The following ROBO2 variants were observed in gnomAD, a reference collection of about 807,000 sequenced individuals.
ROBO2 encodes roundabout homolog 2.
A neutral mutation model predicts 160.8 loss-of-function variants in ROBO2; 53 were observed. The ratio of observed to expected loss-of-function variants is 0.33; its 90% CI spans 0.26 to 0.41. The LOEUF (loss-of-function observed/expected upper bound fraction) is 0.41, where lower values mean the gene tolerates loss of function less well. ROBO2 is among the 10% of genes least tolerant of loss of function. ROBO2 has a pLI of 1.00. For missense variants in ROBO2, 1,577 were observed against 1,722.4 expected, an observed-to-expected ratio of 0.92 and a Z score of 1.49; for synonymous variants, 664 against 611.7, an observed-to-expected ratio of 1.09 and a Z score of -1.26.
intron 2 of ROBO2, among the ~76,000 whole-genome samples, chr3:76,030,372 T>C (rs1009876829): frequency 2.6e-5 from 4 of 152,208 alleles, no homozygotes; most frequent in Non-Finnish European, 5.9e-5. Context: ...TTAGTTTAAT[T>C]AGATCCCATT....
chr3:76,473,328 T>C (rs1026368411), intron 2 of ROBO2, among the ~76,000 whole-genome samples: 9 of 152,158 alleles, frequency 5.9e-5, no homozygotes, highest in African/African-American at 2.2e-4. Flanking sequence ...CTTGAGCCAA[T>C]AGAACAATGT....
intron 4 of ROBO2, among the ~76,000 whole-genome samples, chr3:77,490,108 T>TC (rs1322455881): frequency 6.7e-6 from 1 of 149,450 alleles, no homozygotes; most frequent in African/African-American, 2.4e-5. Context: ...ACTTTTTTTT[T>TC]TTTTTTTTTT....
chr3:76,143,692 A>C lies in ROBO2; in HGVS notation c.109+206090A>C, dbSNP rs1312881143. Among the ~76,000 whole-genome samples the C allele has an allele frequency of 3.9e-5, 6 of 152,102 alleles. 1 individual carries two copies. In the South Asian group the frequency reaches 1.2e-3, roughly 31 times the overall value. On this transcript the variant is annotated intron_variant, in intron 2 of 26. Coordinates refer to the ROBO2 transcript ENST00000487694. ...TGTATCAGTCAAGACTCTTCAGAGAAACAGAACCAATAATATAGATAGATT... is the reference window on the plus strand; with the variant it reads ...TGTATCAGTCAAGACTCTTCAGAGACACAGAACCAATAATATAGATAGATT...
intron 1 of ROBO2, among the ~76,000 whole-genome samples, chr3:75,936,591 A>C (rs9310352): frequency 0.14 from 21,684 of 152,054 alleles, 5,036 homozygotes; most frequent in African/African-American, 0.49. Flanking sequence ...ACTATTGTAC[A>C]TGTTTACATA....
In ROBO2 at chr3:77,496,123, T is replaced by C. The variant is rs11717487; in HGVS notation, c.806+2741T>C. Among the ~76,000 whole-genome samples the C allele has an allele frequency of 2.4e-3, 370 of 152,370 alleles. 1 individual carries two copies. The highest frequency in any genetic ancestry group is 6.8e-3 in the Middle Eastern group (2 of 294). On this transcript the variant is annotated intron_variant, in intron 5 of 25. Transcript: ENST00000461745. The stretch of plus-strand genomic sequence containing the variant: ...AAATCTTATTTTCACTAACTTCCTT[T>C]AAAACATTTTCATAGCTTTGGCCTC...
intron 5 of ROBO2, among the ~76,000 whole-genome samples, chr3:77,514,877 T>C (rs1250224007): frequency 6.6e-6 from 1 of 151,726 alleles, no homozygotes; most frequent in Admixed American, 6.6e-5. Flanking sequence ...CTATTAGTTT[T>C]AGGGAGCAAA....
chr3:76,776,933 T>C (rs941974733), intron 2 of ROBO2, among the ~76,000 whole-genome samples: 13 of 151,028 alleles, frequency 8.6e-5, no homozygotes, highest in East Asian at 2.0e-4. Context: ...GTTGATATAT[T>C]ATGAGGTAAC....
At chr3:77,063,534 A>G (rs1268078224) in intron 1 of ROBO2, among the ~76,000 whole-genome samples, 3 of 152,170 alleles carry the variant, frequency 2.0e-5, no homozygotes, top group Non-Finnish European at 2.9e-5. Context: ...CAATTCCCAT[A>G]ATCATGTAAC....
chr3:76,544,100 A>C (rs572381416), intron 2 of ROBO2, among the ~76,000 whole-genome samples: 1 of 152,174 alleles, frequency 6.6e-6, no homozygotes, highest in Admixed American at 6.5e-5. Flanking sequence ...CCATCTATAG[A>C]TACAATGCCA....
At chr3:76,281,511 A>G (rs969067581) in intron 2 of ROBO2, among the ~76,000 whole-genome samples, 4 of 151,926 alleles carry the variant, frequency 2.6e-5, no homozygotes, top group Non-Finnish European at 2.9e-5. Context: ...TAGTACTTCT[A>G]TATACTGTTG....
At chr3:75,911,036 ATTTTT>A (rs141969770) in intron 1 of ROBO2, among the ~76,000 whole-genome samples, 1 of 149,096 alleles carries the variant, frequency 6.7e-6, no homozygotes, top group East Asian at 2.0e-4. Flanking sequence ...AAACAATGCA[ATTTTT>A]TTTTTACTGA....
intron 16 of ROBO2, among the ~76,000 whole-genome samples, chr3:77,584,886 A>G (rs1266117636): frequency 1.0e-5 from 1 of 95,720 alleles, no homozygotes; most frequent in Non-Finnish European, 2.1e-5. Flanking sequence ...AGTTATATAT[A>G]TATGTATGTG....
At chr3:77,311,151 T>G (rs2063513278) in intron 2 of ROBO2, among the ~76,000 whole-genome samples, 1 of 152,222 alleles carries the variant, frequency 6.6e-6, no homozygotes. Flanking sequence ...TTTATTCATT[T>G]CTAATGTTTT....
intron 2 of ROBO2, among the ~76,000 whole-genome samples, chr3:76,300,443 T>C (rs1709297374): frequency 6.6e-6 from 1 of 152,042 alleles, no homozygotes; most frequent in Non-Finnish European, 1.5e-5. Context: ...GAGAGATATA[T>C]TGAGCATGTC....
intron 2 of ROBO2, among the ~76,000 whole-genome samples, chr3:76,576,207 T>A (rs1284135654): frequency 6.6e-6 from 1 of 152,126 alleles, no homozygotes; most frequent in Non-Finnish European, 1.5e-5. Flanking sequence ...TTTGTTGAAT[T>A]TCTTAGCAAA....
chr3:76,601,014 A>C (rs2087099627), intron 2 of ROBO2, among the ~76,000 whole-genome samples: 1 of 152,158 alleles, frequency 6.6e-6, no homozygotes, highest in Non-Finnish European at 1.5e-5. Flanking sequence ...AAAACAAAGG[A>C]GCTACAGGCC....
At chr3:76,724,242 C>G (rs2093511650) in intron 2 of ROBO2, among the ~76,000 whole-genome samples, 1 of 152,156 alleles carries the variant, frequency 6.6e-6, no homozygotes, top group African/African-American at 2.4e-5. Context: ...TCCTGACCAG[C>G]CCTCTGGACC....
chr3:77,090,766 T>C (rs1175407756), intron 1 of ROBO2, among the ~76,000 whole-genome samples: 1 of 152,142 alleles, frequency 6.6e-6, no homozygotes, highest in Non-Finnish European at 1.5e-5. Flanking sequence ...CTCCTTCCTA[T>C]TGCGATGTGT....
chr3:76,620,363 T>C (rs2088967199), intron 2 of ROBO2, among the ~76,000 whole-genome samples: 2 of 152,200 alleles, frequency 1.3e-5, no homozygotes, highest in Admixed American at 1.3e-4. Context: ...ACTTGCATCA[T>C]TTGCATTTTC....
Sources: allele counts gnomAD v4.1 joint callset (sites outside exome capture counted in the v4.1 genomes callset), GRCh38; gene constraint gnomAD v4.1.1; transcripts MANE v1.5; gene names NCBI Gene and HGNC (gene_info 2026-07-23, HGNC 2026-07-21).